The following CEP85L variants were observed in gnomAD, a reference collection of about 807,000 sequenced individuals.
CEP85L encodes centrosomal protein 85L.
CEP85L carries 60 observed loss-of-function variants against 100.3 expected under a neutral mutation model. The observed-to-expected ratio is 0.60, with a 90% CI of 0.49 to 0.74. The LOEUF is 0.74. Among genes scored for constraint, CEP85L ranks in the 30% least tolerant of loss-of-function variants. The pLI is 0.00. For missense variants in CEP85L, 973 were observed against 936.2 expected, an observed-to-expected ratio of 1.04 and a Z score of -0.51; for synonymous variants, 319 against 322.7, an observed-to-expected ratio of 0.99 and a Z score of 0.12.
At chr6:118,522,088 T>C (rs1332222690) in intron 4 of CEP85L, among the ~76,000 whole-genome samples, 2 of 152,126 alleles carry the variant, frequency 1.3e-5, no homozygotes, top group East Asian at 1.9e-4. Flanking sequence ...AGGCCGGGCA[T>C]GGTGGCTCAC....
chr6:118,539,772 A>G (rs780946321), intron 3 of CEP85L, among the ~76,000 whole-genome samples: 10 of 152,100 alleles, frequency 6.6e-5, no homozygotes, highest in Non-Finnish European at 1.2e-4. Flanking sequence ...AGAAACTACT[A>G]AAGGGAGCTA....
intron 2 of CEP85L, among the ~76,000 whole-genome samples, chr6:118,583,492 A>G (rs888542855): frequency 2.0e-5 from 3 of 152,156 alleles, no homozygotes; most frequent in Non-Finnish European, 4.4e-5. Flanking sequence ...TTAGGTAGAT[A>G]TATTCTAGCT....
At chr6:118,567,335 T>A (rs1779614590) in intron 2 of CEP85L, among the ~76,000 whole-genome samples, 1 of 149,846 alleles carries the variant, frequency 6.7e-6, no homozygotes, top group Non-Finnish European at 1.5e-5. Flanking sequence ...TTTATTCCTT[T>A]CTCTCTATAT....
At chr6:118,538,680 G>A (rs1777738221) in intron 3 of CEP85L, among the ~76,000 whole-genome samples, 1 of 121,962 alleles carries the variant, frequency 8.2e-6, no homozygotes, top group Admixed American at 7.5e-5. Context: ...GTTTATCCAA[G>A]ACAGACAGTA....
intron 3 of CEP85L, among the ~76,000 whole-genome samples, chr6:118,544,765 CCT>C (rs1562246678): frequency 6.6e-6 from 1 of 152,142 alleles, no homozygotes; most frequent in Admixed American, 6.6e-5. Context: ...CCAAATGACC[CCT>C]AAGCTTTATA....
chr6:118,572,604 A>G (rs568693436), intron 2 of CEP85L, among the ~76,000 whole-genome samples: 10 of 152,190 alleles, frequency 6.6e-5, no homozygotes, highest in African/African-American at 2.4e-4. Context: ...TAAATATTTC[A>G]AAGTATTCTC....
intron 3 of CEP85L, among the ~76,000 whole-genome samples, chr6:118,546,024 G>A (rs1278985014): frequency 8.0e-6 from 1 of 125,450 alleles, no homozygotes; most frequent in African/African-American, 2.8e-5. Flanking sequence ...TCTAGCTGAG[G>A]AATCATTGAG....
chr6:118,679,069 T>C (rs3902035), intron 1 of CEP85L, among the ~76,000 whole-genome samples: 33,944 of 152,280 alleles, frequency 0.22, 4,839 homozygotes, highest in Non-Finnish European at 0.32. Flanking sequence ...AGAATGCCTT[T>C]GACTTAGTCA....
rs1046843746 is a variant in CEP85L at position 118,552,136 on chromosome 6, G to T, written c.1020+13393C>A. 2.0e-5 allele frequency among the ~76,000 whole-genome samples: 3 copies of T among 152,054 alleles called. No individual in the cohort carries two copies. The East Asian group carries it at 5.8e-4, about 29-fold the overall frequency. ...TAGAGTATATCAGACTGTAGCCTTA[G>T]ATATTACTTGAATTCAATTTAATAA... On this transcript the variant is annotated intron_variant, in intron 3 of 12. Coordinates refer to ENST00000368491, the MANE Select transcript of CEP85L (RefSeq NM_001042475.3).
chr6:118,499,813 C>A (rs1323505457), intron 5 of CEP85L, among the ~76,000 whole-genome samples: 1 of 152,022 alleles, frequency 6.6e-6, no homozygotes, highest in African/African-American at 2.4e-5. Context: ...GCTTCGCCAC[C>A]AAGATCAAAA....
At chr6:118,484,187 G>A (rs913847722) in intron 6 of CEP85L, among the ~76,000 whole-genome samples, 4 of 152,072 alleles carry the variant, frequency 2.6e-5, no homozygotes, top group South Asian at 2.1e-4. Context: ...GTGGTGGCAC[G>A]TGCCTGTAGT....
chr6:118,688,421 A>G (rs900909953), intron 1 of CEP85L, among the ~76,000 whole-genome samples: 1 of 152,224 alleles, frequency 6.6e-6, no homozygotes, highest in Non-Finnish European at 1.5e-5. Context: ...TCCAGCACCT[A>G]GCATATGGTA....
intron 2 of CEP85L, among the ~76,000 whole-genome samples, chr6:118,593,663 C>T (rs1781311948): frequency 6.7e-6 from 1 of 148,402 alleles, no homozygotes; most frequent in Non-Finnish European, 1.5e-5. Flanking sequence ...GGAGGGGCAG[C>T]GCATCGCAAT....
chr6:118,670,445 G>T lies in CEP85L; in HGVS notation c.-27-17637C>A, dbSNP rs1470812021. Among the ~76,000 whole-genome samples the T allele has an allele frequency of 1.0e-4, 15 of 150,598 alleles. 1 individual carries two copies. In the East Asian group the frequency reaches 1.2e-3, roughly 12 times the overall value. On this transcript the variant is annotated intron_variant, in intron 1 of 13. Coordinates refer to the CEP85L transcript ENST00000368488. ...CTTCTTTGTGTTTCCTTTTGTTGTTGTTGTTGTTGTTCCCTTCTTTGTGGC... is the reference window on the plus strand; with the variant it reads ...CTTCTTTGTGTTTCCTTTTGTTGTTTTTGTTGTTGTTCCCTTCTTTGTGGC...
chr6:118,654,343 T>G (rs558288496), upstream of CEP85L, among the ~76,000 whole-genome samples: 2 of 152,148 alleles, frequency 1.3e-5, no homozygotes, highest in Non-Finnish European at 2.9e-5. Context: ...CAAGAGAGCT[T>G]TATATTTACA....
chr6:118,705,717 T>C (rs1230184707), intron 1 of CEP85L, among the ~76,000 whole-genome samples: 1 of 152,274 alleles, frequency 6.6e-6, no homozygotes, highest in Non-Finnish European at 1.5e-5. Context: ...ATTGGAGGTG[T>C]GTGAGCCCTT....
chr6:118,606,965 T>A (rs1031543421), intron 2 of CEP85L, among the ~76,000 whole-genome samples: 1 of 152,156 alleles, frequency 6.6e-6, no homozygotes, highest in Admixed American at 6.5e-5. Flanking sequence ...AAATTCTTAC[T>A]CTTTTGCCGG....
At chr6:118,686,523 T>C (rs1302706782) in intron 1 of CEP85L, among the ~76,000 whole-genome samples, 2 of 152,238 alleles carry the variant, frequency 1.3e-5, no homozygotes, top group East Asian at 1.9e-4. Context: ...TTTGATGCTA[T>C]CCATGTTGTA....
intron 12 of CEP85L, 129 bp from the exon 13 acceptor site, chr6:118,465,697 T>C: frequency 1.3e-6 from 1 of 753,956 alleles, no homozygotes; most frequent in Non-Finnish European, 2.1e-6. Flanking sequence ...AGGTTCAAGT[T>C]ATGTTTAAAT....
Sources: gnomAD v4.1 joint callset for allele counts (sites outside exome capture counted in the v4.1 genomes callset) on GRCh38, gnomAD v4.1.1 for gene constraint, MANE v1.5 for transcripts, NCBI Gene and HGNC (gene_info 2026-07-23, HGNC 2026-07-21) for gene names.